Variants in TSHR observed in about 807,000 individuals in gnomAD.
The protein encoded by TSHR is thyroid stimulating hormone receptor.
TSHR carries 51 observed loss-of-function variants against 64.1 expected under a neutral mutation model. The observed-to-expected ratio is 0.80, with a 90% confidence interval of 0.64 to 1.01. The LOEUF is 1.01. Among genes scored for constraint, TSHR ranks in the 50% least tolerant of loss-of-function variants. The probability of loss-of-function intolerance (pLI) is 0.00; values close to 1 mark genes in which losing one functional copy is unlikely to be tolerated. For synonymous variants in TSHR, 361 were observed against 361.9 expected (o/e 1.00, Z 0.03); for missense variants, 877 against 942.8 (o/e 0.93, Z 0.91).
intron 1 of TSHR, chr14:80,995,181 A>G (rs568715607): frequency 6.6e-6 from 1 of 151,938 alleles, no homozygotes; most frequent in African/African-American, 2.4e-5. Flanking sequence ...GTACCATCTC[A>G]TGCCAGTCAG....
chr14:81,068,395 T>C, intron 3 of TSHR, 67 bp downstream of exon 3: 2 of 1,475,240 alleles, frequency 1.4e-6, no homozygotes, highest in South Asian at 1.1e-5. Flanking sequence ...ATCTTGGGGC[T>C]CCAGATGGCA....
intron 3 of TSHR, among the ~76,000 whole-genome samples, chr14:81,086,491 T>C (rs747705494): frequency 6.6e-6 from 1 of 152,240 alleles, no homozygotes; most frequent in Non-Finnish European, 1.5e-5. Context: ...CTAGCTTTCA[T>C]TGCACTTATG....
At chr14:81,021,282 G>A (rs150669913) in intron 1 of TSHR, among the ~76,000 whole-genome samples, 10 of 152,046 alleles carry the variant, frequency 6.6e-5, no homozygotes, top group Admixed American at 2.6e-4. Context: ...AACCACTGAG[G>A]CTCTGCTTAA....
intron 1 of TSHR, among the ~76,000 whole-genome samples, chr14:81,039,232 C>T (rs1373021998): frequency 1.3e-5 from 2 of 151,834 alleles, no homozygotes; most frequent in Non-Finnish European, 2.9e-5. Flanking sequence ...TCATACATCA[C>T]ATTAATAAAA....
At chr14:81,052,347 A>G (rs1885481949) in intron 1 of TSHR, 1 of 152,160 alleles carries the variant, frequency 6.6e-6, no homozygotes, top group Non-Finnish European at 1.5e-5. Context: ...TTGAAAATCA[A>G]TTGACCACAG....
chr14:81,015,338 A>G (rs2139785446), intron 1 of TSHR, among the ~76,000 whole-genome samples: 1 of 152,236 alleles, frequency 6.6e-6, no homozygotes, highest in South Asian at 2.1e-4. Context: ...AAGGAGGGGG[A>G]AAAGTAATTA....
At chr14:81,111,287 T>C (rs1343927182) in intron 8 of TSHR, among the ~76,000 whole-genome samples, 1 of 152,220 alleles carries the variant, frequency 6.6e-6, no homozygotes, top group East Asian at 1.9e-4. Flanking sequence ...TTGAAGTAGC[T>C]GGCTTACATC....
rs189882439 is a variant in TSHR at position 81,038,378 on chromosome 14, A to G, written c.171-23770A>G. Among the ~76,000 whole-genome samples the G allele has an allele frequency of 4.3e-3, 661 of 152,044 alleles. 9 individuals are homozygous for G. Among genetic ancestry groups the G allele is most frequent in the African/African-American group, 0.015 (638 of 41,542 alleles). ...TATAGCAATAAACACCTACATCAAA[A>G]AAATAGAAAGATATCAAATAAACAA... On this transcript the variant is annotated intron_variant, in intron 1 of 9. Coordinates refer to ENST00000298171, the MANE Select transcript of TSHR (RefSeq NM_000369.5).
intron 1 of TSHR, among the ~76,000 whole-genome samples, chr14:80,974,918 A>C (rs980412884): frequency 6.6e-6 from 1 of 152,226 alleles, no homozygotes; most frequent in African/African-American, 2.4e-5. Flanking sequence ...TTGCATGACT[A>C]TGTGAAAGGA....
intron 1 of TSHR, among the ~76,000 whole-genome samples, chr14:81,015,194 G>T (rs377265034): frequency 3.9e-5 from 6 of 152,130 alleles, no homozygotes; most frequent in African/African-American, 1.4e-4. Context: ...TAAGCATTGA[G>T]TTTTCTTGCC....
At chr14:81,140,944 A>G (rs1891658787) in intron 9 of TSHR, among the ~76,000 whole-genome samples, 1 of 152,150 alleles carries the variant, frequency 6.6e-6, no homozygotes, top group Non-Finnish European at 1.5e-5. Flanking sequence ...ACATGGTGAA[A>G]CCCCGTCTGT....
At chr14:81,008,618 T>C (rs1889733232) in intron 1 of TSHR, among the ~76,000 whole-genome samples, 1 of 152,168 alleles carries the variant, frequency 6.6e-6, no homozygotes, top group Non-Finnish European at 1.5e-5. Context: ...TAAGGCAAAA[T>C]AAATGAATTT....
intron 1 of TSHR, among the ~76,000 whole-genome samples, chr14:81,061,090 C>T (rs908379106): frequency 6.6e-6 from 1 of 152,088 alleles, no homozygotes; most frequent in Non-Finnish European, 1.5e-5. Context: ...TTGCTCCTTG[C>T]CAGTCAGTTA....
At chr14:81,071,818 A>G (rs1360992553) in intron 3 of TSHR, among the ~76,000 whole-genome samples, 1 of 152,174 alleles carries the variant, frequency 6.6e-6, no homozygotes. Context: ...CAACATTTTC[A>G]TGCCAGTGAT....
chr14:81,143,532 C>G lies in TSHR; in HGVS notation c.1474C>G (p.Pro492Ala). 1 of 1,613,444 alleles carries G rather than the reference C, an allele frequency of 6.2e-7. No individual in the cohort carries two copies. Among genetic ancestry groups the G allele is most frequent in the Non-Finnish European group, 8.5e-7 (1 of 1,180,028 alleles). ...CCATGCCATCGACTGGCAGACAGGC[C>G]CTGGGTGCAACACGGCTGGTTTCTT... is the stretch of plus-strand genomic sequence containing the variant. ...YNHAIDWQTG[P>A]GCNTAGFFTV... The change falls in exon 10 of 10, where the codon CCT (proline) becomes GCT (alanine). Residue 492 changes from proline to alanine, a missense_variant. Transcript: ENST00000298171.
At chr14:81,086,113 A>T (rs761744317) in intron 3 of TSHR, among the ~76,000 whole-genome samples, 3 of 152,200 alleles carry the variant, frequency 2.0e-5, no homozygotes, top group Non-Finnish European at 4.4e-5. Flanking sequence ...GGAAGTGAGG[A>T]GTTCTAAGAT....
intron 1 of TSHR, chr14:80,991,613 T>C: frequency 2.5e-6 from 1 of 398,546 alleles, no homozygotes; most frequent in Non-Finnish European, 4.4e-6. Flanking sequence ...ACATTTTAAA[T>C]CCCAGTCAAG....
At chr14:81,132,031 T>C (rs1891268692) in intron 8 of TSHR, among the ~76,000 whole-genome samples, 1 of 152,200 alleles carries the variant, frequency 6.6e-6, no homozygotes, top group Admixed American at 6.5e-5. Context: ...TATTTAAACA[T>C]ATTAATAGAC....
At position 81,004,215 on chromosome 14, in the gene TSHR, G is replaced by A. The variant is rs541314403; in HGVS notation, c.170+48365G>A. ...TACTCGTCTCCCCTCTCCCGACCCCGGTGGGTCAATAGATAGCACTTCAGA... is the reference window on the plus strand; with the variant it reads ...TACTCGTCTCCCCTCTCCCGACCCCAGTGGGTCAATAGATAGCACTTCAGA... On this transcript the variant is annotated intron_variant, in intron 1 of 9. Coordinates refer to ENST00000298171, the MANE Select transcript of TSHR (RefSeq NM_000369.5). 1.2e-4 allele frequency among the ~76,000 whole-genome samples: 18 copies of A among 152,180 alleles called. No individual in the cohort carries two copies. In the South Asian group the frequency reaches 2.3e-3, roughly 19 times the overall value.
Sources: gnomAD v4.1 joint callset for allele counts (sites outside exome capture counted in the v4.1 genomes callset) on GRCh38, gnomAD v4.1.1 for gene constraint, MANE v1.5 for transcripts, NCBI Gene and HGNC (gene_info 2026-07-23, HGNC 2026-07-21) for gene names.